The following TTBK2 variants were observed in gnomAD, a reference collection of about 807,000 sequenced individuals.
TTBK2 encodes tau-tubulin kinase 2.
TTBK2 carries 28 observed loss-of-function variants against 110.8 expected under a neutral mutation model. The observed-to-expected ratio is 0.25, with a 90% confidence interval of 0.19 to 0.35. TTBK2 has a LOEUF of 0.35. Among genes scored for constraint, TTBK2 ranks in the 10% least tolerant of loss-of-function variants. The pLI is 1.00. For missense variants in TTBK2, 1,369 were observed against 1,500.3 expected, an observed-to-expected ratio of 0.91 and a Z score of 1.45; for synonymous variants, 532 against 527.3, an observed-to-expected ratio of 1.01 and a Z score of -0.12.
chr15:42,776,238 A>C (rs967950403), intron 12 of TTBK2, among the ~76,000 whole-genome samples: 1 of 152,226 alleles, frequency 6.6e-6, no homozygotes, highest in Non-Finnish European at 1.5e-5. Context: ...TCAAATTCAC[A>C]GTCCCTCTAA....
chr15:42,797,189 C>A (rs1465284496), intron 9 of TTBK2, among the ~76,000 whole-genome samples: 1 of 152,170 alleles, frequency 6.6e-6, no homozygotes, highest in African/African-American at 2.4e-5. Flanking sequence ...TACAGGGGAG[C>A]CTTGCTATGT....
chr15:42,823,105 A>G (rs1018308347), intron 6 of TTBK2, among the ~76,000 whole-genome samples: 3 of 152,234 alleles, frequency 2.0e-5, no homozygotes, highest in Admixed American at 2.0e-4. Flanking sequence ...AAAGACTTTA[A>G]ACATTTTTCT....
At chr15:42,871,331 ATAAAAGGTAC>A in intron 3 of TTBK2, 1 of 516,166 alleles carries the variant, frequency 1.9e-6, no homozygotes, top group East Asian at 1.5e-4. Context: ...TAACTCATTC[ATAAAAGGTAC>A]TAAACTGATC....
At chr15:42,750,823 A>G (rs1205924616) in intron 14 of TTBK2, among the ~76,000 whole-genome samples, 1 of 152,246 alleles carries the variant, frequency 6.6e-6, no homozygotes, top group Non-Finnish European at 1.5e-5. Flanking sequence ...TTATAATTAA[A>G]CTGTCAAAAG....
At chr15:42,812,289 A>G (rs1456002613) in intron 7 of TTBK2, among the ~76,000 whole-genome samples, 1 of 151,588 alleles carries the variant, frequency 6.6e-6, no homozygotes, top group African/African-American at 2.4e-5. Flanking sequence ...GTAGTGCAGT[A>G]TTTGGTGTGT....
intron 1 of TTBK2, among the ~76,000 whole-genome samples, chr15:42,888,652 T>C (rs1483103010): frequency 6.6e-6 from 1 of 152,126 alleles, no homozygotes; most frequent in Non-Finnish European, 1.5e-5. Flanking sequence ...TGACCCCATA[T>C]CCTGCACCAC....
intron 3 of TTBK2, chr15:42,855,343 T>A (rs1281569644): frequency 6.6e-6 from 1 of 152,200 alleles, no homozygotes; most frequent in Non-Finnish European, 1.5e-5. Flanking sequence ...GGTCATACTG[T>A]GGTCTCAATT....
chr15:42,911,961 TACACACACAC>T (rs10545933), intron 1 of TTBK2, among the ~76,000 whole-genome samples: 3 of 149,738 alleles, frequency 2.0e-5, no homozygotes, highest in South Asian at 2.1e-4. Flanking sequence ...ATGAGTTAAA[TACACACACAC>T]ACACACACAC....
intron 3 of TTBK2, among the ~76,000 whole-genome samples, chr15:42,841,038 G>C (rs1196399564): frequency 6.6e-6 from 1 of 152,130 alleles, no homozygotes; most frequent in East Asian, 1.9e-4. Context: ...ATATTGGTTA[G>C]TGTTTTTCAA....
intron 4 of TTBK2, among the ~76,000 whole-genome samples, chr15:42,832,035 T>C (rs184116253): frequency 4.1e-4 from 62 of 152,324 alleles, no homozygotes; most frequent in African/African-American, 1.4e-3. Flanking sequence ...TCATACTTCG[T>C]ACCTTCTTTT....
At position 42,920,746 on chromosome 15, in the gene TTBK2, C is replaced by A; in HGVS notation, c.-376G>T. ...CCTGCCGCCGCCGCCGCCTCGTCCC[C>A]ACCGCTCCCATCGCCGCTGCGGCGA... On this transcript the variant is annotated 5_prime_UTR_variant, in exon 1 of 15. Transcript: ENST00000267890. 2 of 154,252 alleles carry A rather than the reference C, an allele frequency of 1.3e-5. No individual in the cohort carries two copies. The highest frequency in any genetic ancestry group is 4.0e-4 in the South Asian group (2 of 5,032). 9.6% of individuals were successfully genotyped at this position (154,252 alleles called of 1,614,324 possible).
intron 3 of TTBK2, chr15:42,840,729 T>G (rs998131692): frequency 6.9e-5 from 31 of 448,058 alleles, no homozygotes; most frequent in African/African-American, 5.4e-4. Flanking sequence ...AGTGGTCAAT[T>G]CAGATCAACC....
chr15:42,855,385 G>A (rs541992016), intron 3 of TTBK2, among the ~76,000 whole-genome samples: 1 of 152,098 alleles, frequency 6.6e-6, no homozygotes, highest in Non-Finnish European at 1.5e-5. Flanking sequence ...GAGTTACTAG[G>A]AGAAACAAGG....
At chr15:42,780,331 G>A (rs1049638193) in intron 11 of TTBK2, among the ~76,000 whole-genome samples, 3 of 150,288 alleles carry the variant, frequency 2.0e-5, no homozygotes, top group Non-Finnish European at 3.0e-5. Flanking sequence ...CTGTGCCAGG[G>A]CAAGTCATTC....
At chr15:42,818,471 G>A (rs1032509744) in intron 6 of TTBK2, among the ~76,000 whole-genome samples, 1 of 152,122 alleles carries the variant, frequency 6.6e-6, no homozygotes, top group Non-Finnish European at 1.5e-5. Flanking sequence ...TGTAATCCCA[G>A]CACTTTGGGA....
chr15:42,800,975 G>T (rs1567031488), intron 9 of TTBK2: 1 of 755,668 alleles, frequency 1.3e-6, no homozygotes, highest in Admixed American at 1.7e-5. Flanking sequence ...ACTTGGGCAG[G>T]ACGTTGGAGG....
intron 13 of TTBK2, among the ~76,000 whole-genome samples, chr15:42,773,149 G>C (rs1457525080): frequency 6.6e-6 from 1 of 152,082 alleles, no homozygotes; most frequent in Non-Finnish European, 1.5e-5. Context: ...GTTACAGTAA[G>C]GTATGATCAT....
chr15:42,798,449 T>A (rs1891040508), intron 9 of TTBK2, among the ~76,000 whole-genome samples: 1 of 152,176 alleles, frequency 6.6e-6, no homozygotes, highest in Non-Finnish European at 1.5e-5. Context: ...ACATTTAGAG[T>A]CTAAGTTTCT....
rs187389348 is a variant in TTBK2, at chr15:42,753,104, C to T, written c.2142G>A (p.Leu714=). The change falls in exon 14 of 15, where the codon TTG becomes TTA. Residue 714 remains leucine (L), a synonymous_variant. Coordinates refer to ENST00000267890, the MANE Select transcript of TTBK2 (RefSeq NM_173500.4). The part of the protein sequence containing the change: ...LYSPRENFSG[L]VVTEGEPPSG... ...TAGGAGGTTCACCCTCTGTCACAACCAAGCCAGAGAAGTTTTCCCTTGGAG... is the reference window on the plus strand; with the variant it reads ...TAGGAGGTTCACCCTCTGTCACAACTAAGCCAGAGAAGTTTTCCCTTGGAG... 6.2e-6 allele frequency: 10 copies of T among 1,600,506 alleles called. No homozygotes were observed. The African/African-American group carries it at 1.3e-4, about 22-fold the overall frequency.
Sources: allele counts gnomAD v4.1 joint callset (sites outside exome capture counted in the v4.1 genomes callset), GRCh38; gene constraint gnomAD v4.1.1; transcripts MANE v1.5; gene names NCBI Gene and HGNC (gene_info 2026-07-23, HGNC 2026-07-21).